The following CYP26B1 variants were observed in gnomAD, a reference collection of about 807,000 sequenced individuals.
CYP26B1 encodes the protein cytochrome P450 family 26 subfamily B member 1.
CYP26B1 carries 8 observed loss-of-function variants against 39.1 expected under a neutral mutation model. The ratio of observed to expected loss-of-function variants is 0.20; its 90% CI spans 0.12 to 0.37. The LOEUF is 0.37. CYP26B1 is among the 10% of genes least tolerant of loss of function. CYP26B1 has a pLI of 1.00. For synonymous variants in CYP26B1, 321 were observed against 314.3 expected (o/e 1.02, Z -0.23); for missense variants, 615 against 707.0 (o/e 0.87, Z 1.48).
chr2:72,134,722 G>C, intron 4 of CYP26B1, 39 bp downstream of exon 4: 1 of 1,592,176 alleles, frequency 6.3e-7, no homozygotes, highest in Non-Finnish European at 8.6e-7. Flanking sequence ...TGGAGCCTGG[G>C]TGCTGGTGCT....
Position 72,134,868 on chromosome 2 carries a change from G to C in CYP26B1, c.754C>G (p.Arg252Gly), listed in dbSNP as rs1277769076. Residue 252 changes from arginine (R) to glycine (G), a missense_variant, in exon 4 of 6, where the codon CGG (arginine) becomes GGG (glycine). Transcript: ENST00000001146. ...CCCTGTGTGCACTGCAGCTTCTCCC[G>C]GATGGCCTTCTCCAGCCCCTTCTGC... ...ILQKGLEKAI[R>G]EKLQCTQGKD... 5 of 1,614,062 alleles carry C rather than the reference G, an allele frequency of 3.1e-6. No individual in the cohort carries two copies. The highest frequency in any genetic ancestry group is 1.7e-5 in the Admixed American group (1 of 60,008).
rs894673619 is a variant in CYP26B1 at position 72,147,561 on chromosome 2, C to G, written c.204+70G>C. On this transcript the variant is annotated intron_variant, in intron 1 of 5. Transcript: ENST00000001146. The surrounding 1 kb of genome is among the most constrained non-coding windows in gnomAD (Gnocchi z 6.1). ...AGGCTCCCGGCGCCCCCTGGCCGGCCCGCCGCTCCGTCTGCCCCGCGCTCG... is the reference window on the plus strand; with the variant it reads ...AGGCTCCCGGCGCCCCCTGGCCGGCGCGCCGCTCCGTCTGCCCCGCGCTCG... The G allele has an allele frequency of 7.1e-5, 104 of 1,466,388 alleles. No individual in the cohort carries two copies. The highest frequency in any genetic ancestry group is 2.2e-4 in the Admixed American group (10 of 45,214). The allele number at this position is 1,466,388 out of a possible 1,614,324, so 90.8% of individuals were successfully genotyped here. A position where few individuals can be genotyped will look rare whatever the true frequency, so the allele number is the denominator to read the frequency against.
At chr2:72,145,290 G>A (rs1001618022) in intron 1 of CYP26B1, among the ~76,000 whole-genome samples, 1 of 152,180 alleles carries the variant, frequency 6.6e-6, no homozygotes, top group Non-Finnish European at 1.5e-5. Flanking sequence ...AGCTAAATGT[G>A]CACACACGCC....
At position 72,147,613 on chromosome 2, in the gene CYP26B1, G is replaced by A; in HGVS notation, c.204+18C>T. On this transcript the variant is annotated intron_variant, in intron 1 of 5. Transcript: ENST00000001146. This position sits in a 1 kb window ranked among gnomAD's most constrained non-coding sequence, Gnocchi z 6.1. ...AGCTAGCGGACCCCGGAGTGCAGCGGAGCGAGCGCGCCCTTACCTGCAGCA... is the reference window on the plus strand; with the variant it reads ...AGCTAGCGGACCCCGGAGTGCAGCGAAGCGAGCGCGCCCTTACCTGCAGCA... The A allele has an allele frequency of 1.9e-6, 3 of 1,601,516 alleles. No homozygotes were observed. Among genetic ancestry groups the A allele is most frequent in the East Asian group, 2.3e-5 (1 of 43,942 alleles).
chr2:72,144,627 G>T, intron 1 of CYP26B1: 2 of 365,414 alleles, frequency 5.5e-6, no homozygotes, highest in Non-Finnish European at 7.6e-6. Flanking sequence ...GGTGGCCGCA[G>T]GCCAAAGATT....
intron 2 of CYP26B1, among the ~76,000 whole-genome samples, chr2:72,141,407 G>T (rs1001115429): frequency 6.6e-6 from 1 of 152,216 alleles, no homozygotes; most frequent in Non-Finnish European, 1.5e-5. Context: ...AGTGACGGCA[G>T]TGAGAAGCCC....
chr2:72,130,941 G>C lies in CYP26B1; in HGVS notation c.*1286C>G, dbSNP rs1233219353. The C allele has an allele frequency of 6.6e-6, 1 of 152,630 alleles. No homozygotes were observed. The highest frequency in any genetic ancestry group is 2.4e-5 in the African/African-American group (1 of 41,462). The allele number at this position is 152,630 out of a possible 1,614,324, so 9.5% of individuals were successfully genotyped here. ...GCTTTCGCCTCTTCCCCACCCCTGA[G>C]CTGGGCTAAGCAGACAGTGGCATAG... On this transcript the variant is annotated 3_prime_UTR_variant, in exon 6 of 6. Coordinates refer to ENST00000001146, the MANE Select transcript of CYP26B1 (RefSeq NM_019885.4).
At chr2:72,137,266 G>A (rs1676804765) in intron 2 of CYP26B1, among the ~76,000 whole-genome samples, 1 of 152,174 alleles carries the variant, frequency 6.6e-6, no homozygotes, top group Non-Finnish European at 1.5e-5. Flanking sequence ...ACAGGAAAGG[G>A]GCTGAGTTGT....
At position 72,132,218 on chromosome 2, in the gene CYP26B1, G is replaced by A; in HGVS notation, c.*9C>T. ...TGCCTGGGCTGGGCTGAGGCGGGTG[G>A]GTCTTGGGTTAGACTGTGGCGCTCA... On this transcript the variant is annotated 3_prime_UTR_variant, in exon 6 of 6. Transcript: ENST00000001146. 6.3e-7 allele frequency: 1 copy of A among 1,595,656 alleles called. No individual in the cohort carries two copies. Among genetic ancestry groups the A allele is most frequent in the Non-Finnish European group, 8.5e-7 (1 of 1,171,838 alleles).
chr2:72,134,883 G>C lies in CYP26B1; in HGVS notation c.739C>G (p.Leu247Val). Residue 247 changes from leucine to valine, a missense_variant, in exon 4 of 6, where the codon CTG becomes GTG. Physicochemically the swap from Leu to Val is conservative, Grantham distance 32. Coordinates refer to ENST00000001146, the MANE Select transcript of CYP26B1 (RefSeq NM_019885.4). ...AGCTTCTCCCGGATGGCCTTCTCCA[G>C]CCCCTTCTGCAGGATCTGCCGAGCC... is the stretch of plus-strand genomic sequence containing the variant. ...IQARQILQKGLEKAIREKLQC... is the reference protein window; with the variant it reads ...IQARQILQKGVEKAIREKLQC... The C allele has an allele frequency of 6.2e-7, 1 of 1,614,008 alleles. No individual in the cohort carries two copies. Among genetic ancestry groups the C allele is most frequent in the South Asian group, 1.1e-5 (1 of 91,074 alleles).
chr2:72,142,660 G>C (rs977371771), intron 2 of CYP26B1, among the ~76,000 whole-genome samples: 11 of 152,188 alleles, frequency 7.2e-5, no homozygotes, highest in Non-Finnish European at 1.5e-4. Flanking sequence ...GAGTCGCAAA[G>C]GCTGAGGGAA....
rs115576978 is a variant in CYP26B1 at position 72,132,332 on chromosome 2, G to T, written c.1434C>A (p.Pro478=). 2 of 1,610,104 alleles carry T rather than the reference G, an allele frequency of 1.2e-6. No homozygotes were observed. The highest frequency in any genetic ancestry group is 2.2e-5 in the East Asian group (1 of 44,710). ...TRTFPRITLV[P]VLHPVDGLSV... ...TGAGGCCATCCACGGGGTGCAGGAC[G>T]GGGACCAAGGTGATGCGGGGGAAGG... The change falls in exon 6 of 6, where the codon CCC becomes CCA. Residue 478 remains proline (P), a synonymous_variant. Transcript: ENST00000001146.
chr2:72,141,344 C>T (rs1676937073), intron 2 of CYP26B1, among the ~76,000 whole-genome samples: 1 of 152,206 alleles, frequency 6.6e-6, no homozygotes, highest in Non-Finnish European at 1.5e-5. Flanking sequence ...CTGGCAACCC[C>T]ACCCCTGCTG....
At position 72,147,814 on chromosome 2, in the gene CYP26B1, A is replaced by T; in HGVS notation, c.21T>A (p.Asp7Glu). Residue 7 changes from aspartate (D) to glutamate (E), a missense_variant, in exon 1 of 6, where the codon GAT becomes GAA. By Grantham distance (45) the Asp-to-Glu change is conservative. Transcript: ENST00000001146. This position sits in a 1 kb window ranked among gnomAD's most constrained non-coding sequence, Gnocchi z 6.1. MLFEGL[D>E]LVSALATLAA... ...CGAGGGTGGCCAGCGCCGACACCAGATCCAAGCCCTCAAAGAGCATGTTGG... is the reference window on the plus strand; with the variant it reads ...CGAGGGTGGCCAGCGCCGACACCAGTTCCAAGCCCTCAAAGAGCATGTTGG... The T allele has an allele frequency of 3.9e-6, 6 of 1,543,318 alleles. No individual in the cohort carries two copies. The highest frequency in any genetic ancestry group is 5.2e-6 in the Non-Finnish European group (6 of 1,144,374).
chr2:72,132,724 C>T, intron 5 of CYP26B1, 105 bp from the exon 6 acceptor site: 1 of 1,498,538 alleles, frequency 6.7e-7, no homozygotes, highest in Non-Finnish European at 8.9e-7. Context: ...TCAAGACCTG[C>T]CTTTTCTTAG....
chr2:72,135,408 C>T lies in CYP26B1; in HGVS notation c.441G>A (p.Lys147=). The change falls in exon 3 of 6, where the codon AAG becomes AAA. Residue 147 remains lysine, a synonymous_variant. Transcript: ENST00000001146. ...TCTCCAGGGCCTCGTGGCTGAAGATCTTGGAGAAGACCTGGAAGGCAGAGA... is the reference window on the plus strand; with the variant it reads ...TCTCCAGGGCCTCGTGGCTGAAGATTTTGGAGAAGACCTGGAAGGCAGAGA... ...IHRNKRKVFS[K]IFSHEALESY... is the part of the protein sequence containing the mutation. The T allele has an allele frequency of 1.2e-6, 2 of 1,611,192 alleles. No individual in the cohort carries two copies. Among genetic ancestry groups the T allele is most frequent in the East Asian group, 2.2e-5 (1 of 44,884 alleles).
At chr2:72,145,560 AG>A (rs746219996) in intron 1 of CYP26B1, among the ~76,000 whole-genome samples, 45 of 152,186 alleles carry the variant, frequency 3.0e-4, no homozygotes, top group Non-Finnish European at 6.0e-4. Flanking sequence ...TGGTGAGGCG[AG>A]GGTTTCCCTC....
chr2:72,147,569 C>G lies in CYP26B1; in HGVS notation c.204+62G>C, dbSNP rs1423179471. 6 of 1,500,364 alleles carry G rather than the reference C, an allele frequency of 4.0e-6. No individual in the cohort carries two copies. The highest frequency in any genetic ancestry group is 5.3e-6 in the Non-Finnish European group (6 of 1,122,770). 92.9% of individuals were successfully genotyped at this position (1,500,364 alleles called of 1,614,324 possible). A position where few individuals can be genotyped will look rare whatever the true frequency, so the allele number is the denominator to read the frequency against. ...GGCGCCCCCTGGCCGGCCCGCCGCT[C>G]CGTCTGCCCCGCGCTCGCAGCTAGC... On this transcript the variant is annotated intron_variant, in intron 1 of 5. Coordinates refer to ENST00000001146, the MANE Select transcript of CYP26B1 (RefSeq NM_019885.4). The surrounding 1 kb of genome is among the most constrained non-coding windows in gnomAD (Gnocchi z 6.1).
At position 72,132,504 on chromosome 2, in the gene CYP26B1, C is replaced by G; in HGVS notation, c.1262G>C (p.Arg421Pro). ...GAAGCGGCCATCCTTGTCCTCGCTC[C>G]GCGCCTGGCTGAAGCGATCGGGGTC... The part of the protein sequence containing the change: ...VFDPDRFSQA[R>P]SEDKDGRFHY... Residue 421 changes from arginine to proline, a missense_variant, in exon 6 of 6, where the codon CGG (arginine) becomes CCG (proline). Physicochemically the swap from Arg to Pro is moderately radical, Grantham distance 103 (BLOSUM62 -2). Coordinates refer to ENST00000001146, the MANE Select transcript of CYP26B1 (RefSeq NM_019885.4). 2 of 1,612,368 alleles carry G rather than the reference C, an allele frequency of 1.2e-6. No homozygotes were observed. The highest frequency in any genetic ancestry group is 1.7e-6 in the Non-Finnish European group (2 of 1,178,996).
Sources: gnomAD v4.1 joint callset for allele counts (sites outside exome capture counted in the v4.1 genomes callset) on GRCh38, gnomAD v4.1.1 for gene constraint, Gnocchi (gnomAD v3.1) non-coding constraint, MANE v1.5 for transcripts, NCBI Gene and HGNC (gene_info 2026-07-23, HGNC 2026-07-21) for gene names.